The following THEM4 variants were observed in gnomAD, a reference collection of about 807,000 sequenced individuals.
THEM4 encodes thioesterase superfamily member 4.
Under a neutral mutation model 25.0 loss-of-function variants are expected in THEM4, and 22 were observed. The ratio of observed to expected loss-of-function variants is 0.88; its 90% CI spans 0.63 to 1.26. The LOEUF is 1.26. Among genes scored for constraint, THEM4 ranks in the 50% most tolerant of loss-of-function variants. The pLI, the probability that THEM4 is intolerant of heterozygous loss-of-function variation, is 0.00. For missense variants in THEM4, 286 were observed against 300.3 expected, an observed-to-expected ratio of 0.95 and a Z score of 0.35; for synonymous variants, 113 against 105.6, an observed-to-expected ratio of 1.07 and a Z score of -0.43.
At chr1:151,877,631 T>C (rs527277439) in intron 4 of THEM4, among the ~76,000 whole-genome samples, 6 of 152,326 alleles carry the variant, frequency 3.9e-5, no homozygotes, top group Admixed American at 2.6e-4. Flanking sequence ...TACTGTCCAA[T>C]AGAACTTTCT....
chr1:151,886,083 GTCA>G (rs1189542104), intron 4 of THEM4, among the ~76,000 whole-genome samples: 1 of 152,098 alleles, frequency 6.6e-6, no homozygotes, highest in Non-Finnish European at 1.5e-5. Context: ...CTGGTCTTTA[GTCA>G]TCAACTAACA....
At chr1:151,889,898 A>C (rs1572077747) in intron 2 of THEM4, 1 of 133,824 alleles carries the variant, frequency 7.5e-6, no homozygotes, top group African/African-American at 2.9e-5. Context: ...GGTTGTAACC[A>C]GGCTTCTTTT....
intron 2 of THEM4, chr1:151,894,745 G>C (rs1158999875): frequency 3.4e-6 from 2 of 592,780 alleles, no homozygotes; most frequent in Admixed American, 3.2e-5. Flanking sequence ...GTAGGAGGGT[G>C]GAAGCTCTCT....
intron 1 of THEM4, among the ~76,000 whole-genome samples, chr1:151,900,116 C>T (rs535880194): frequency 1.3e-5 from 2 of 152,248 alleles, no homozygotes; most frequent in East Asian, 1.9e-4. Context: ...TGAGAGAATT[C>T]GCCATTATCA....
chr1:151,881,873 G>T (rs1653827198), intron 4 of THEM4, among the ~76,000 whole-genome samples: 1 of 152,110 alleles, frequency 6.6e-6, no homozygotes, highest in Non-Finnish European at 1.5e-5. Flanking sequence ...TGAATATGCT[G>T]ACCCATTATT....
At chr1:151,899,566 CACTTTT>C (rs1475048658) in intron 1 of THEM4, among the ~76,000 whole-genome samples, 2 of 150,826 alleles carry the variant, frequency 1.3e-5, no homozygotes, top group Non-Finnish European at 3.0e-5. Flanking sequence ...ATTTTGGACA[CACTTTT>C]AGAAATGCAA....
rs1572069334 is a variant in THEM4, at chr1:151,871,864, C to A, written c.*3024G>T. On this transcript the variant is annotated 3_prime_UTR_variant, in exon 6 of 6. Transcript: ENST00000368814. ...GAAATCTAACGATGAGAGTACAGTA[C>A]CTTCATTGTCTAAACTTCCTCCCAA... Among the ~76,000 whole-genome samples, 2 of 152,286 alleles carry A rather than the reference C, an allele frequency of 1.3e-5. No individual in the cohort carries two copies. The highest frequency in any genetic ancestry group is 6.8e-3 in the Middle Eastern group (2 of 294).
At chr1:151,904,167 T>C (rs1198077393) in intron 1 of THEM4, among the ~76,000 whole-genome samples, 1 of 152,114 alleles carries the variant, frequency 6.6e-6, no homozygotes, top group Admixed American at 6.6e-5. Context: ...GAAATAAACG[T>C]ATCACATTGG....
chr1:151,907,737 T>TG (rs1186026772), intron 1 of THEM4, among the ~76,000 whole-genome samples: 2 of 152,194 alleles, frequency 1.3e-5, no homozygotes, highest in South Asian at 2.1e-4. Context: ...CTCTTCTTTT[T>TG]GGGGGGACAG....
At chr1:151,894,827 G>T in intron 2 of THEM4, 181 bp downstream of exon 2, 1 of 680,442 alleles carries the variant, frequency 1.5e-6, no homozygotes, top group South Asian at 1.8e-5. Flanking sequence ...CTTGACAATA[G>T]GCTTTATGCT....
chr1:151,909,208 G>A, intron 1 of THEM4, 152 bp downstream of exon 1: 2 of 576,696 alleles, frequency 3.5e-6, no homozygotes, highest in Non-Finnish European at 5.8e-6. Context: ...GTATTCCTAG[G>A]CCCCTGTTGC....
chr1:151,898,117 G>A (rs762090541), intron 1 of THEM4, among the ~76,000 whole-genome samples: 14 of 152,146 alleles, frequency 9.2e-5, no homozygotes, highest in South Asian at 4.1e-4. Context: ...GCATGAACCC[G>A]GCTTGCAGAC....
chr1:151,908,144 C>G (rs1400281327), intron 1 of THEM4, among the ~76,000 whole-genome samples: 1 of 152,216 alleles, frequency 6.6e-6, no homozygotes, highest in Non-Finnish European at 1.5e-5. Flanking sequence ...CAGCAGTATA[C>G]TTTTAAAGGA....
chr1:151,900,459 C>T (rs1174170039), intron 1 of THEM4, among the ~76,000 whole-genome samples: 1 of 152,030 alleles, frequency 6.6e-6, no homozygotes, highest in African/African-American at 2.4e-5. Context: ...CATAAGGACT[C>T]AAATAAACTT....
At chr1:151,875,827 T>C (rs76069678) in intron 5 of THEM4, among the ~76,000 whole-genome samples, 3,765 of 152,332 alleles carry the variant, frequency 0.025, 51 homozygotes, top group African/African-American at 0.03. Context: ...GGGAGTTTAA[T>C]TTGGTACAGG....
intron 1 of THEM4, among the ~76,000 whole-genome samples, chr1:151,908,300 G>C (rs1253694307): frequency 6.6e-6 from 1 of 152,204 alleles, no homozygotes; most frequent in African/African-American, 2.4e-5. Context: ...ATGTCTTTCT[G>C]TATGCTCCAC....
At chr1:151,898,268 G>A (rs1174785094) in intron 1 of THEM4, among the ~76,000 whole-genome samples, 3 of 152,070 alleles carry the variant, frequency 2.0e-5, no homozygotes, top group South Asian at 2.1e-4. Context: ...GAGTGAGACC[G>A]GCCCTTCGGT....
At chr1:151,899,884 G>A (rs1233648830) in intron 1 of THEM4, among the ~76,000 whole-genome samples, 1 of 152,170 alleles carries the variant, frequency 6.6e-6, no homozygotes, top group Non-Finnish European at 1.5e-5. Context: ...ACAAAGGAAA[G>A]AATCTTAAGA....
chr1:151,877,863 AAAGTG>A (rs1558188036), intron 4 of THEM4, among the ~76,000 whole-genome samples: 1 of 152,218 alleles, frequency 6.6e-6, no homozygotes, highest in South Asian at 2.1e-4. Flanking sequence ...TATCTCTTTA[AAAGTG>A]AAATTTCAGT....
Sources: allele counts gnomAD v4.1 joint callset (sites outside exome capture counted in the v4.1 genomes callset), GRCh38; gene constraint gnomAD v4.1.1; transcripts MANE v1.5; gene names NCBI Gene and HGNC (gene_info 2026-07-23, HGNC 2026-07-21).